NEIL3: variants seen among roughly 807,000 people sequenced by gnomAD.
The protein encoded by NEIL3 is endonuclease 8-like 3.
Under a neutral mutation model 57.5 loss-of-function variants are expected in NEIL3, and 48 were observed. The ratio of observed to expected loss-of-function variants is 0.83; its 90% CI spans 0.66 to 1.06. NEIL3 has a LOEUF of 1.06. Among genes scored for constraint, NEIL3 ranks in the 50% least tolerant of loss-of-function variants. The pLI is 0.00. For synonymous variants in NEIL3, 261 were observed against 253.2 expected, an observed-to-expected ratio of 1.03 and a Z score of -0.29; for missense variants, 717 against 739.1, an observed-to-expected ratio of 0.97 and a Z score of 0.35.
In NEIL3 at chr4:177,353,583, G is replaced by C; in HGVS notation, c.1315G>C (p.Asp439His). ...GCACCCCTCCAAGAAGACAACAAAC[G>C]ATATAACTCAACCATCCAGCAAAGT... ...IQHPSKKTTN[D>H]ITQPSSKVNI... Residue 439 changes from aspartate (D) to histidine (H), a missense_variant, in exon 8 of 10, where the codon GAT becomes CAT. Asp to His is a moderately conservative substitution (Grantham distance 81, BLOSUM62 -1). Coordinates refer to ENST00000264596, the MANE Select transcript of NEIL3 (RefSeq NM_018248.3). 2 of 1,612,704 alleles carry C rather than the reference G, an allele frequency of 1.2e-6. No homozygotes were observed. The highest frequency in any genetic ancestry group is 3.3e-4 in the Middle Eastern group (2 of 6,062).
At chr4:177,363,677 G>A (rs1735652513), downstream of NEIL3, among the ~76,000 whole-genome samples, 1 of 152,208 alleles carries the variant, frequency 6.6e-6, no homozygotes, top group African/African-American at 2.4e-5. Context: ...ACACGGAAAT[G>A]TAAGTAAATG....
intron 2 of NEIL3, among the ~76,000 whole-genome samples, chr4:177,331,806 A>G (rs926810462): frequency 6.6e-6 from 1 of 152,190 alleles, no homozygotes; most frequent in African/African-American, 2.4e-5. Flanking sequence ...CTAGTAAAGT[A>G]GTTGACCTTC....
intron 8 of NEIL3, among the ~76,000 whole-genome samples, chr4:177,360,135 G>T (rs1479946478): frequency 6.6e-6 from 1 of 152,176 alleles, no homozygotes; most frequent in African/African-American, 2.4e-5. Flanking sequence ...TGGGAATGGA[G>T]AACCTGGACT....
chr4:177,309,951 G>C lies in NEIL3; in HGVS notation c.-3G>C, dbSNP rs749335512. 4 of 1,607,224 alleles carry C rather than the reference G, an allele frequency of 2.5e-6. No individual in the cohort carries two copies. The highest frequency in any genetic ancestry group is 3.4e-6 in the Non-Finnish European group (4 of 1,177,322). On this transcript the variant is annotated 5_prime_UTR_variant, in exon 1 of 10. Transcript: ENST00000264596. Reference sequence around the variant, plus strand: ...TCGGTGGGCCACAGTGCCGGCCACAGAGATGGTGGAAGGACCAGGCTGTAC... The same window carrying C: ...TCGGTGGGCCACAGTGCCGGCCACACAGATGGTGGAAGGACCAGGCTGTAC...
At chr4:177,319,760 A>G (rs1035776066) in intron 1 of NEIL3, among the ~76,000 whole-genome samples, 2 of 152,124 alleles carry the variant, frequency 1.3e-5, no homozygotes, top group African/African-American at 4.8e-5. Context: ...AGGGAACGCT[A>G]CTATATATGA....
At chr4:177,351,670 G>T in intron 7 of NEIL3, 121 bp downstream of exon 7, 2 of 840,798 alleles carry the variant, frequency 2.4e-6, no homozygotes, top group East Asian at 2.5e-5. Flanking sequence ...TTTCTCAAAG[G>T]TTTAAAGGAA....
chr4:177,370,269 G>C, the NEIL3 span, among the ~76,000 whole-genome samples: 2 of 152,146 alleles, frequency 1.3e-5, no homozygotes, highest in African/African-American at 2.4e-5. Context: ...TAGAAATCAG[G>C]TATCAGAACA....
At chr4:177,336,420 A>C in intron 4 of NEIL3, 99 bp downstream of exon 4, 107 of 880,264 alleles carry the variant, frequency 1.2e-4, no homozygotes, top group Middle Eastern at 2.6e-4. Context: ...ACACAGTCTC[A>C]TCAGACTTCA....
At chr4:177,358,039 G>A (rs996155540) in intron 8 of NEIL3, among the ~76,000 whole-genome samples, 1 of 152,142 alleles carries the variant, frequency 6.6e-6, no homozygotes, top group African/African-American at 2.4e-5. Context: ...ATAAAATTAA[G>A]ATTAGCTGTG....
At chr4:177,361,613 C>T (rs1403743327) in intron 9 of NEIL3, among the ~76,000 whole-genome samples, 1 of 152,124 alleles carries the variant, frequency 6.6e-6, no homozygotes, top group African/African-American at 2.4e-5. Context: ...TAGCAATATT[C>T]ATGGTATTGC....
At chr4:177,351,618 T>C in intron 7 of NEIL3, 69 bp downstream of exon 7, 2 of 1,237,680 alleles carry the variant, frequency 1.6e-6, no homozygotes, top group South Asian at 1.4e-5. Flanking sequence ...GTCAGGAATA[T>C]ATCTTGCTCC....
intron 6 of NEIL3, among the ~76,000 whole-genome samples, chr4:177,348,151 G>T (rs892971884): frequency 1.1e-4 from 17 of 152,330 alleles, no homozygotes; most frequent in African/African-American, 4.1e-4. Flanking sequence ...TGAAGGGCTT[G>T]TGAAAACACA....
chr4:177,332,001 G>T (rs530969768), intron 2 of NEIL3, among the ~76,000 whole-genome samples: 1 of 152,320 alleles, frequency 6.6e-6, no homozygotes, highest in Admixed American at 6.5e-5. Context: ...GTCTCTCCAT[G>T]TTCTTACCTC....
chr4:177,330,230 GGAAATCAATGTGCT>G (rs1734856495), intron 2 of NEIL3, among the ~76,000 whole-genome samples: 1 of 152,102 alleles, frequency 6.6e-6, no homozygotes, highest in African/African-American at 2.4e-5. Flanking sequence ...TAAAGTATTT[GGAAATCAATGTGCT>G]TCTAAACTCA....
At chr4:177,346,267 G>A (rs530834029) in intron 6 of NEIL3, among the ~76,000 whole-genome samples, 1 of 152,060 alleles carries the variant, frequency 6.6e-6, no homozygotes, top group Admixed American at 6.5e-5. Flanking sequence ...CCTGGGCTCA[G>A]GTGACCCTCC....
intron 6 of NEIL3, among the ~76,000 whole-genome samples, chr4:177,347,841 A>AT (rs1265500872): frequency 6.6e-6 from 1 of 152,224 alleles, no homozygotes; most frequent in African/African-American, 2.4e-5. Context: ...AACAAATTAT[A>AT]TTTTTTAAAC....
chr4:177,360,764 T>G (rs1735592969), intron 9 of NEIL3, 87 bp downstream of exon 9: 2 of 999,410 alleles, frequency 2.0e-6, no homozygotes, highest in African/African-American at 3.3e-5. Context: ...TTTCCTAGTT[T>G]TACCTTTTAC....
intron 2 of NEIL3, among the ~76,000 whole-genome samples, chr4:177,328,945 G>A (rs543115662): frequency 6.6e-6 from 1 of 152,080 alleles, no homozygotes; most frequent in African/African-American, 2.4e-5. Flanking sequence ...TTGAAGATAT[G>A]CATATCATTT....
At position 177,351,444 on chromosome 4, in the gene NEIL3, T is replaced by C. The variant is rs1172078847; in HGVS notation, c.934T>C (p.Ser312Pro). 2 of 1,613,844 alleles carry C rather than the reference T, an allele frequency of 1.2e-6. No homozygotes were observed. Among genetic ancestry groups the C allele is most frequent in the Non-Finnish European group, 1.7e-6 (2 of 1,179,868 alleles). Residue 312 changes from serine (S) to proline (P), a missense_variant, in exon 7 of 10, where the codon TCC becomes CCC. Ser to Pro is a moderately conservative substitution (Grantham distance 74, BLOSUM62 -1). Transcript: ENST00000264596. ...TSSRVDHVMD[S>P]VARKSEEHWT... ...TAGCAGGGTGGATCATGTTATGGACTCCGTGGCTCGGAAGTCGGAAGAGCA... is the reference window on the plus strand; with the variant it reads ...TAGCAGGGTGGATCATGTTATGGACCCCGTGGCTCGGAAGTCGGAAGAGCA...
Sources: gnomAD v4.1 joint callset for allele counts (sites outside exome capture counted in the v4.1 genomes callset) on GRCh38, gnomAD v4.1.1 for gene constraint, MANE v1.5 for transcripts, NCBI Gene and HGNC (gene_info 2026-07-23, HGNC 2026-07-21) for gene names.